Variants in GUCY2C observed in about 807,000 individuals in gnomAD.
GUCY2C encodes the protein guanylate cyclase 2C.
A neutral mutation model predicts 131.1 loss-of-function variants in GUCY2C; 118 were observed. The ratio of observed to expected loss-of-function variants is 0.90; its 90% CI spans 0.78 to 1.05. The LOEUF (loss-of-function observed/expected upper bound fraction) is 1.05, where lower values mean the gene tolerates loss of function less well. GUCY2C is among the 50% of genes least tolerant of loss of function. GUCY2C has a pLI of 0.00. For missense variants in GUCY2C, 1,161 were observed against 1,304.4 expected (o/e 0.89, Z 1.69); for synonymous variants, 452 against 457.8 (o/e 0.99, Z 0.16).
intron 10 of GUCY2C, chr12:14,665,567 G>A (rs1440374480): frequency 6.6e-6 from 1 of 152,200 alleles, no homozygotes; most frequent in Non-Finnish European, 1.5e-5. Context: ...ATAGCAGGAT[G>A]GGTTGGATGG....
chr12:14,679,581 G>A, intron 6 of GUCY2C, 76 bp downstream of exon 6: 1 of 777,126 alleles, frequency 1.3e-6, no homozygotes, highest in Non-Finnish European at 2.3e-6. Flanking sequence ...CAAGAGAAAA[G>A]AGAATGTGCC....
chr12:14,661,565 A>C (rs1947867338), intron 10 of GUCY2C, among the ~76,000 whole-genome samples: 1 of 151,954 alleles, frequency 6.6e-6, no homozygotes, highest in South Asian at 2.1e-4. Context: ...TAGCCTCCCG[A>C]GAAGCTGGGA....
chr12:14,618,334 GAGACCACACCTCTAC>G (rs1384443817), intron 24 of GUCY2C, among the ~76,000 whole-genome samples: 1 of 152,056 alleles, frequency 6.6e-6, no homozygotes, highest in African/African-American at 2.4e-5. Flanking sequence ...ACAACATAGA[GAGACCACACCTCTAC>G]AGAAAAAATT....
chr12:14,634,025 A>T (rs1592092674), intron 19 of GUCY2C, among the ~76,000 whole-genome samples: 1 of 152,234 alleles, frequency 6.6e-6, no homozygotes, highest in African/African-American at 2.4e-5. Flanking sequence ...AGACATTCAG[A>T]TACAGGAAAC....
Position 14,679,766 on chromosome 12 carries a change from G to A in GUCY2C, c.734-13C>T. On this transcript the variant is annotated splice_polypyrimidine_tract_variant and intron_variant, in intron 5 of 26. Transcript: ENST00000261170. ...CACATAATAATCACTGGAGGAGAAG[G>A]TAAGACAAGGAGAGAAATATATGAC... is the stretch of plus-strand genomic sequence containing the variant. 7.3e-7 allele frequency: 1 copy of A among 1,361,458 alleles called. No homozygotes were observed. The highest frequency in any genetic ancestry group is 1.1e-6 in the Non-Finnish European group (1 of 949,830). The allele number at this position is 1,361,458 out of a possible 1,614,324, so 84.3% of individuals were successfully genotyped here.
At chr12:14,680,279 T>C (rs1367757823) in intron 5 of GUCY2C, among the ~76,000 whole-genome samples, 1 of 152,108 alleles carries the variant, frequency 6.6e-6, no homozygotes, top group Non-Finnish European at 1.5e-5. Context: ...AATGCCAGAG[T>C]CCAGTCTGAA....
rs1263035385 is a variant in GUCY2C at position 14,652,938 on chromosome 12, G to A, written c.1533+14C>T. On this transcript the variant is annotated intron_variant, in intron 13 of 26. Transcript: ENST00000261170. ...ATACCCCAGTGGAGAGTTCAGAGAA[G>A]TGGGAGAGGTCACCTTTTTGTCGTA... 27 of 1,573,330 alleles carry A rather than the reference G, an allele frequency of 1.7e-5. No individual in the cohort carries two copies. Among genetic ancestry groups the A allele is most frequent in the Non-Finnish European group, 2.4e-5 (27 of 1,142,792 alleles).
At chr12:14,656,767 A>T (rs551462096) in intron 11 of GUCY2C, 150 bp from the exon 12 acceptor site, 2 of 485,540 alleles carry the variant, frequency 4.1e-6, no homozygotes, top group South Asian at 8.0e-5. Flanking sequence ...TGTCCTCCAA[A>T]CTGAAAAGCG....
chr12:14,613,278 G>A lies in GUCY2C; in HGVS notation c.3061C>T (p.Arg1021Cys), dbSNP rs772639539. The stretch of plus-strand genomic sequence containing the variant: ...ATGTCTGAAAATTCTGCTTGCAAAC[G>A]CTGTTGATTCTCCCTGGAAACAGAG... ...PTPPTVENQQ[R>C]LQAEFSDMIA... The change falls in exon 27 of 27, where the codon CGT becomes TGT. Residue 1021 changes from arginine (R) to cysteine (C), a missense_variant. Transcript: ENST00000261170. The surrounding 1 kb of genome is among the most constrained non-coding windows in gnomAD (Gnocchi z 4.9). 20 of 1,611,872 alleles carry A rather than the reference G, an allele frequency of 1.2e-5. No individual in the cohort carries two copies. Among genetic ancestry groups the A allele is most frequent in the African/African-American group, 4.0e-5 (3 of 74,784 alleles).
At chr12:14,630,767 C>T (rs1947125936) in intron 19 of GUCY2C, among the ~76,000 whole-genome samples, 1 of 152,036 alleles carries the variant, frequency 6.6e-6, no homozygotes, top group South Asian at 2.1e-4. Context: ...GATCTAGTTT[C>T]GACTCTGTAT....
chr12:14,669,426 G>C (rs1404505490), intron 10 of GUCY2C, among the ~76,000 whole-genome samples: 1 of 151,580 alleles, frequency 6.6e-6, no homozygotes, highest in Non-Finnish European at 1.5e-5. Flanking sequence ...ATGTTGCCCA[G>C]GCTGGTCTGA....
chr12:14,633,139 C>T (rs1275244324), intron 19 of GUCY2C, among the ~76,000 whole-genome samples: 4 of 152,142 alleles, frequency 2.6e-5, no homozygotes, highest in African/African-American at 9.7e-5. Flanking sequence ...GACCCACTAA[C>T]GCTGGTACCA....
intron 23 of GUCY2C, 31 bp downstream of exon 23, chr12:14,621,011 T>C: frequency 6.3e-7 from 1 of 1,588,080 alleles, no homozygotes; most frequent in Non-Finnish European, 8.6e-7. Flanking sequence ...TACATATGGT[T>C]CCCAATTTGC....
At chr12:14,692,468 C>T (rs1438447566) in intron 1 of GUCY2C, among the ~76,000 whole-genome samples, 1 of 151,980 alleles carries the variant, frequency 6.6e-6, no homozygotes, top group East Asian at 1.9e-4. Flanking sequence ...AAATGTTTCT[C>T]AGTTTAGTTT....
rs747158865 is a variant in GUCY2C, at chr12:14,639,946, C to A, written c.2073G>T (p.Lys691Asn). 24 of 1,594,182 alleles carry A rather than the reference C, an allele frequency of 1.5e-5. No homozygotes were observed. The highest frequency in any genetic ancestry group is 1.7e-4 in the Middle Eastern group (1 of 6,046). Residue 691 changes from lysine (K) to asparagine (N), a missense_variant, in exon 19 of 27, where the codon AAG becomes AAT. Lys to Asn is a moderately conservative substitution (Grantham distance 94). Coordinates refer to ENST00000261170, the MANE Select transcript of GUCY2C (RefSeq NM_004963.4). ...YTLSCRDRNE[K>N]IFRVENSNGM... Reference sequence around the variant, plus strand: ...CATTGGAATTTTCCACTCTGAAAATCTTCTCTGGTTGGGTGAGAAAAATAT... The same window carrying A: ...CATTGGAATTTTCCACTCTGAAAATATTCTCTGGTTGGGTGAGAAAAATAT...
At chr12:14,614,550 C>A (rs1946716581) in intron 26 of GUCY2C, 2 of 236,320 alleles carry the variant, frequency 8.5e-6, no homozygotes, top group African/African-American at 2.3e-5. Flanking sequence ...GATAAAGGAT[C>A]CACAGTGGAA....
intron 15 of GUCY2C, among the ~76,000 whole-genome samples, chr12:14,645,822 T>C (rs1947510007): frequency 6.6e-6 from 1 of 151,842 alleles, no homozygotes. Flanking sequence ...ACCTGGAATT[T>C]TCTTTGTTTT....
intron 1 of GUCY2C, among the ~76,000 whole-genome samples, chr12:14,695,815 T>C (rs1180929371): frequency 6.6e-6 from 1 of 151,562 alleles, no homozygotes; most frequent in Non-Finnish European, 1.5e-5. Flanking sequence ...ATAAACTGAG[T>C]TTATTTTTAT....
intron 11 of GUCY2C, among the ~76,000 whole-genome samples, chr12:14,659,050 CT>C (rs566631025): frequency 0.027 from 3,815 of 143,850 alleles, 78 homozygotes; most frequent in African/African-American, 0.064. Flanking sequence ...TCATTTCTTT[CT>C]TTTTTTTTTT....
Sources: gnomAD v4.1 joint callset for allele counts (sites outside exome capture counted in the v4.1 genomes callset) on GRCh38, gnomAD v4.1.1 for gene constraint, Gnocchi (gnomAD v3.1) non-coding constraint, MANE v1.5 for transcripts, NCBI Gene and HGNC (gene_info 2026-07-23, HGNC 2026-07-21) for gene names.